The following FGFR2 variants were observed in gnomAD, a reference collection of about 807,000 sequenced individuals.
FGFR2 encodes fibroblast growth factor receptor 2, also known as BEK fibroblast growth factor receptor.
Under a neutral mutation model 95.9 loss-of-function variants are expected in FGFR2, and 19 were observed. That is an observed-to-expected ratio of 0.20 (90% CI 0.14 to 0.29). The LOEUF is 0.29. Among genes scored for constraint, FGFR2 ranks in the 10% least tolerant of loss-of-function variants. The probability of loss-of-function intolerance (pLI) is 1.00; values close to 1 mark genes in which losing one functional copy is unlikely to be tolerated. For missense variants in FGFR2, 707 were observed against 1,056.9 expected (o/e 0.67, Z 4.59); for synonymous variants, 392 against 393.3 (o/e 1.00, Z 0.04).
intron 4 of FGFR2, among the ~76,000 whole-genome samples, chr10:121,560,047 T>C (rs943607247): frequency 1.3e-5 from 2 of 151,994 alleles, no homozygotes; most frequent in African/African-American, 4.8e-5. Context: ...CCACATACAG[T>C]AAAACTGGAG....
intron 2 of FGFR2, among the ~76,000 whole-genome samples, chr10:121,582,166 A>G (rs1190291524): frequency 3.3e-5 from 5 of 151,832 alleles, no homozygotes; most frequent in African/African-American, 1.2e-4. Context: ...TCCTCACCTC[A>G]TGATCCGCCC....
chr10:121,485,927 C>T lies in FGFR2; in HGVS notation c.2058-395G>A, dbSNP rs1420766466. On this transcript the variant is annotated intron_variant, in intron 15 of 17. Coordinates refer to ENST00000358487, the MANE Select transcript of FGFR2 (RefSeq NM_000141.5). The surrounding 1 kb of genome is among the most constrained non-coding windows in gnomAD (Gnocchi z 4.2). ...CAGTTGACAGAATAAGGCCAGCAAG[C>T]CAACTCCGCAGGATCACAGCTGCCC... is the stretch of plus-strand genomic sequence containing the variant. 6.6e-6 allele frequency among the ~76,000 whole-genome samples: 1 copy of T among 152,208 alleles called. No individual in the cohort carries two copies. The highest frequency in any genetic ancestry group is 1.5e-5 in the Non-Finnish European group (1 of 68,048).
intron 6 of FGFR2, among the ~76,000 whole-genome samples, chr10:121,521,384 C>T (rs1018783773): frequency 1.3e-5 from 2 of 152,180 alleles, no homozygotes; most frequent in Non-Finnish European, 2.9e-5. Context: ...AGCTAAGAGG[C>T]GGTCTCTGCA....
intron 5 of FGFR2, among the ~76,000 whole-genome samples, chr10:121,543,723 C>G (rs1041551384): frequency 2.0e-5 from 3 of 152,186 alleles, no homozygotes; most frequent in African/African-American, 7.2e-5. Flanking sequence ...AACATTGATA[C>G]AAGAAGTTTG....
At chr10:121,514,644 C>G (rs1381639150) in intron 9 of FGFR2, among the ~76,000 whole-genome samples, 1 of 152,104 alleles carries the variant, frequency 6.6e-6, no homozygotes, top group East Asian at 1.9e-4. Context: ...AGATGCACCC[C>G]CAGGGCATAA....
intron 6 of FGFR2, among the ~76,000 whole-genome samples, chr10:121,524,146 A>ACACACACACACCCCCC (rs142755962): frequency 2.2e-4 from 30 of 136,874 alleles, no homozygotes; most frequent in Non-Finnish European, 3.4e-4. Context: ...ACACACACAC[A>ACACACACACACCCCCC]CCCCAAGTTT....
At chr10:121,583,465 C>A (rs919752988) in intron 2 of FGFR2, 3 of 152,256 alleles carry the variant, frequency 2.0e-5, no homozygotes, top group African/African-American at 7.2e-5. Context: ...TGGACTCCTA[C>A]GGTGTGGCGC....
At chr10:121,516,470 A>C (rs932731640) in intron 8 of FGFR2, among the ~76,000 whole-genome samples, 1 of 152,258 alleles carries the variant, frequency 6.6e-6, no homozygotes, top group African/African-American at 2.4e-5. Flanking sequence ...TTTTTACTAG[A>C]TGTAAAATAA....
At chr10:121,570,407 ACTCTGGTCAC>A (rs1479065289) in intron 2 of FGFR2, among the ~76,000 whole-genome samples, 5 of 152,150 alleles carry the variant, frequency 3.3e-5, no homozygotes, top group Non-Finnish European at 7.4e-5. Flanking sequence ...GGCCTCCCTA[ACTCTGGTCAC>A]CCCCCATGGA....
At position 121,564,536 on chromosome 10, in the gene FGFR2, C is replaced by T. The variant is rs765024365; in HGVS notation, c.420G>A (p.Ala140=). ...TACTGTTCTCACTGACAAAATCTTC[C>T]GCACCATCGGTGTCATCCTCATCAT... ...SGDDEDDTDG[A]EDFVSENSNN... is the part of the protein sequence containing the mutation. The change falls in exon 4 of 18, where the codon GCG becomes GCA. Residue 140 remains alanine (A), a synonymous_variant. Coordinates refer to ENST00000358487, the MANE Select transcript of FGFR2 (RefSeq NM_000141.5). 2.1e-5 allele frequency: 34 copies of T among 1,613,838 alleles called. No homozygotes were observed. Among genetic ancestry groups the T allele is most frequent in the African/African-American group, 1.1e-4 (8 of 74,880 alleles).
intron 2 of FGFR2, among the ~76,000 whole-genome samples, chr10:121,578,081 C>G (rs147044891): frequency 9.3e-4 from 142 of 152,270 alleles, no homozygotes; most frequent in African/African-American, 3.4e-3. Context: ...TCCAGTCCTC[C>G]ACAAGACCTC....
At chr10:121,496,503 C>T (rs1387226057) in intron 13 of FGFR2, 29 bp downstream of exon 13, 3 of 1,612,090 alleles carry the variant, frequency 1.9e-6, no homozygotes, top group Non-Finnish European at 1.7e-6. Flanking sequence ...TTGGATTCCA[C>T]CCAGCCAAGT....
intron 8 of FGFR2, 23 bp from the exon 9 acceptor site, chr10:121,515,342 AG>A: frequency 6.2e-7 from 1 of 1,610,322 alleles, no homozygotes; most frequent in Non-Finnish European, 8.5e-7. Flanking sequence ...TCACAGGAGG[AG>A]GAACAGATAA....
intron 9 of FGFR2, among the ~76,000 whole-genome samples, chr10:121,511,781 T>C (rs1231000106): frequency 1.3e-5 from 2 of 152,228 alleles, no homozygotes; most frequent in Non-Finnish European, 2.9e-5. Context: ...ACCATGTGCA[T>C]ACAAAGTCTC....
At chr10:121,584,353 C>A (rs1422089559) in intron 2 of FGFR2, among the ~76,000 whole-genome samples, 9 of 148,004 alleles carry the variant, frequency 6.1e-5, no homozygotes, top group East Asian at 4.1e-4. Flanking sequence ...CCCACCCCAA[C>A]CAATCCCATA....
Position 121,488,129 on chromosome 10 carries a change from A to C in FGFR2, c.1864-16T>G, listed in dbSNP as rs760549026. The stretch of plus-strand genomic sequence containing the variant: ...GATGAATACACTGAAATCAAGAAAG[A>C]AGCAAGAGAAATAACTAATTTCAAA... On this transcript the variant is annotated splice_polypyrimidine_tract_variant and intron_variant, in intron 13 of 17. Coordinates refer to ENST00000358487, the MANE Select transcript of FGFR2 (RefSeq NM_000141.5). 3.1e-6 allele frequency: 5 copies of C among 1,613,012 alleles called. No individual in the cohort carries two copies. The highest frequency in any genetic ancestry group is 1.1e-5 in the South Asian group (1 of 91,074).
chr10:121,585,224 T>C (rs540441273), intron 2 of FGFR2, among the ~76,000 whole-genome samples: 16 of 152,284 alleles, frequency 1.1e-4, no homozygotes, highest in African/African-American at 3.9e-4. Context: ...ATTTCTAAAA[T>C]CCATGGGACT....
At chr10:121,547,480 A>G (rs1461355699) in intron 5 of FGFR2, among the ~76,000 whole-genome samples, 4 of 149,640 alleles carry the variant, frequency 2.7e-5, no homozygotes, top group Non-Finnish European at 5.9e-5. Flanking sequence ...CTGCAGCCCC[A>G]AACTCCTGGG....
intron 17 of FGFR2, chr10:121,481,751 A>T: frequency 4.4e-6 from 1 of 226,296 alleles, no homozygotes; most frequent in Non-Finnish European, 8.8e-6. Context: ...TCTACATGTA[A>T]ATATATAAAT....
Sources: gnomAD v4.1 joint callset for allele counts (sites outside exome capture counted in the v4.1 genomes callset) on GRCh38, gnomAD v4.1.1 for gene constraint, Gnocchi (gnomAD v3.1) non-coding constraint, MANE v1.5 for transcripts, NCBI Gene and HGNC (gene_info 2026-07-23, HGNC 2026-07-21) for gene names.